Variants in ARID5B observed in about 807,000 individuals in gnomAD.
ARID5B encodes AT-rich interaction domain 5B, also known as AT-rich interactive domain-containing protein 5B.
In ARID5B, 13 loss-of-function variants were observed where a neutral mutation model predicts 97.2. The observed-to-expected ratio is 0.13, with a 90% CI of 0.09 to 0.21. The LOEUF is 0.21. Among genes scored for constraint, ARID5B ranks in the 10% least tolerant of loss-of-function variants. The pLI is 1.00. For synonymous variants in ARID5B, 556 were observed against 570.3 expected, an observed-to-expected ratio of 0.97 and a Z score of 0.36; for missense variants, 1,210 against 1,465.3, an observed-to-expected ratio of 0.83 and a Z score of 2.84.
chr10:62,077,925 A>T (rs1840160101), intron 8 of ARID5B, among the ~76,000 whole-genome samples: 1 of 152,238 alleles, frequency 6.6e-6, no homozygotes, highest in South Asian at 2.1e-4. Context: ...AGGGAAAAAA[A>T]GTATCATATG....
intron 2 of ARID5B, among the ~76,000 whole-genome samples, chr10:61,930,324 G>C (rs750660417): frequency 4.6e-5 from 7 of 152,164 alleles, no homozygotes; most frequent in Non-Finnish European, 1.0e-4. Flanking sequence ...CTGTGTTCTG[G>C]ACTGTCTTTT....
At chr10:61,982,355 G>T (rs919435367) in intron 3 of ARID5B, among the ~76,000 whole-genome samples, 3 of 152,120 alleles carry the variant, frequency 2.0e-5, no homozygotes, top group Admixed American at 6.6e-5. Context: ...CCTCCTTCTT[G>T]TCAAGAACAA....
chr10:62,036,912 C>A (rs1300211607), intron 4 of ARID5B, among the ~76,000 whole-genome samples: 1 of 152,196 alleles, frequency 6.6e-6, no homozygotes, highest in Non-Finnish European at 1.5e-5. Flanking sequence ...GGAATTCCAT[C>A]ATTTTATAAA....
chr10:61,929,310 G>A (rs746979776), intron 2 of ARID5B, among the ~76,000 whole-genome samples: 1 of 152,174 alleles, frequency 6.6e-6, no homozygotes, highest in African/African-American at 2.4e-5. Flanking sequence ...ACTGAGGTGA[G>A]TATGCCATGC....
chr10:61,943,696 C>T (rs944505541), intron 3 of ARID5B, among the ~76,000 whole-genome samples: 6 of 151,774 alleles, frequency 4.0e-5, no homozygotes, highest in East Asian at 1.9e-4. Context: ...AGAATAAGTT[C>T]GCTTTAATTC....
intron 3 of ARID5B, among the ~76,000 whole-genome samples, chr10:61,980,980 G>T (rs1226479906): frequency 6.6e-6 from 1 of 152,188 alleles, no homozygotes; most frequent in Non-Finnish European, 1.5e-5. Context: ...TGTGTCATCG[G>T]TTCATCTGGG....
At position 62,086,707 on chromosome 10, in the gene ARID5B, A is replaced by AC. The variant is rs1232789575; in HGVS notation, c.1398+807_1398+808insC. On this transcript the variant is annotated intron_variant, in intron 9 of 9. Coordinates refer to ENST00000279873, the MANE Select transcript of ARID5B (RefSeq NM_032199.3). ...CTCCATCTCAAAAAAAAAAAAAAAAAAAAAATATCAGGCATGGTGGTGCCC... is the reference window on the plus strand; with the variant it reads ...CTCCATCTCAAAAAAAAAAAAAAAAACAAAAATATCAGGCATGGTGGTGCCC... 1.3e-4 allele frequency among the ~76,000 whole-genome samples: 19 copies of AC among 143,734 alleles called. 1 individual carries two copies. The highest frequency in any genetic ancestry group is 2.1e-4 in the Non-Finnish European group (14 of 66,226). 94.3% of individuals were successfully genotyped at this position (143,734 alleles called of 152,430 possible). A position where few individuals can be genotyped will look rare whatever the true frequency, so the allele number is the denominator to read the frequency against.
intron 3 of ARID5B, among the ~76,000 whole-genome samples, chr10:61,946,052 T>G (rs1443513346): frequency 6.7e-6 from 1 of 148,232 alleles, no homozygotes; most frequent in African/African-American, 2.4e-5. Flanking sequence ...CCATATAACA[T>G]AAACATTTTA....
chr10:61,933,998 T>C (rs1844256035), intron 2 of ARID5B, among the ~76,000 whole-genome samples: 1 of 152,230 alleles, frequency 6.6e-6, no homozygotes, highest in African/African-American at 2.4e-5. Flanking sequence ...AAATCTGTTG[T>C]TTAGTGTAGC....
chr10:61,940,304 C>G lies in ARID5B; in HGVS notation c.398C>G (p.Ala133Gly), dbSNP rs1414210136. Reference sequence around the variant, plus strand: ...CACGCTGGACCAGTGAAAACTGAGGCCTTGGGAAGGAATGGACAGAAGGAA... The same window carrying G: ...CACGCTGGACCAGTGAAAACTGAGGGCTTGGGAAGGAATGGACAGAAGGAA... Reference protein sequence around the residue: ...GFHAGPVKTEALGRNGQKEAL... With the variant: ...GFHAGPVKTEGLGRNGQKEAL... Residue 133 changes from alanine to glycine, a missense_variant, in exon 3 of 10, where the codon GCC (alanine) becomes GGC (glycine). Ala to Gly is a moderately conservative substitution (Grantham distance 60). Coordinates refer to ENST00000279873, the MANE Select transcript of ARID5B (RefSeq NM_032199.3). The G allele has an allele frequency of 3.1e-6, 5 of 1,614,146 alleles. No homozygotes were observed. The South Asian group carries it at 5.5e-5, about 18-fold the overall frequency.
intron 3 of ARID5B, among the ~76,000 whole-genome samples, chr10:61,957,669 A>G: frequency 6.6e-6 from 1 of 152,324 alleles, no homozygotes; most frequent in East Asian, 1.9e-4. Flanking sequence ...AAAAGAATAT[A>G]TATCTCTCTA....
intron 5 of ARID5B, 84 bp downstream of exon 5, chr10:62,051,084 T>C: frequency 1.8e-6 from 2 of 1,142,140 alleles, no homozygotes; most frequent in Non-Finnish European, 2.6e-6. Flanking sequence ...GCCTGTGTCT[T>C]GGAGGCAGTT....
intron 4 of ARID5B, among the ~76,000 whole-genome samples, chr10:62,007,446 G>T (rs1486895300): frequency 6.6e-6 from 1 of 152,174 alleles, no homozygotes; most frequent in African/African-American, 2.4e-5. Flanking sequence ...GAACGAGACA[G>T]AAAATTTCCC....
At chr10:62,047,946 C>T (rs1839732853) in intron 4 of ARID5B, among the ~76,000 whole-genome samples, 1 of 152,166 alleles carries the variant, frequency 6.6e-6, no homozygotes, top group African/African-American at 2.4e-5. Flanking sequence ...CCACCCCGTA[C>T]TTTGAATATT....
intron 3 of ARID5B, among the ~76,000 whole-genome samples, chr10:61,953,151 A>G (rs968008783): frequency 1.3e-5 from 2 of 152,184 alleles, no homozygotes; most frequent in African/African-American, 4.8e-5. Flanking sequence ...CTTGCTAATT[A>G]TGGTGGAAGA....
intron 4 of ARID5B, among the ~76,000 whole-genome samples, chr10:62,020,975 T>C (rs935409971): frequency 2.7e-5 from 4 of 149,412 alleles, no homozygotes; most frequent in African/African-American, 9.9e-5. Context: ...GGGACTGTGA[T>C]GCTTGTTAAT....
intron 2 of ARID5B, among the ~76,000 whole-genome samples, chr10:61,938,754 C>T (rs1382666826): frequency 6.6e-6 from 1 of 152,036 alleles, no homozygotes; most frequent in Non-Finnish European, 1.5e-5. Flanking sequence ...GATTCCATTA[C>T]TAAAGTTTTA....
At chr10:61,987,050 C>G (rs901859007) in intron 3 of ARID5B, among the ~76,000 whole-genome samples, 4 of 152,172 alleles carry the variant, frequency 2.6e-5, no homozygotes, top group Non-Finnish European at 5.9e-5. Context: ...CTGGTGAAAG[C>G]TGCCGTCAGG....
intron 2 of ARID5B, among the ~76,000 whole-genome samples, chr10:61,939,459 C>A (rs1844361203): frequency 6.6e-6 from 1 of 152,106 alleles, no homozygotes; most frequent in African/African-American, 2.4e-5. Context: ...GAGAAACTTG[C>A]ATTTCAACTA....
Sources: allele counts gnomAD v4.1 joint callset (sites outside exome capture counted in the v4.1 genomes callset), GRCh38; gene constraint gnomAD v4.1.1; transcripts MANE v1.5; gene names NCBI Gene and HGNC (gene_info 2026-07-23, HGNC 2026-07-21).